The following ARAP3 variants were observed in gnomAD, a reference collection of about 807,000 sequenced individuals.
ARAP3 encodes the protein ArfGAP with RhoGAP domain, ankyrin repeat and PH domain 3.
In ARAP3, 82 loss-of-function variants were observed where a neutral mutation model predicts 169.2. The observed-to-expected ratio is 0.48, with a 90% CI of 0.41 to 0.58. The LOEUF is 0.58. ARAP3 is among the 20% of genes least tolerant of loss of function. The probability of loss-of-function intolerance (pLI) is 0.00; values close to 1 mark genes in which losing one functional copy is unlikely to be tolerated. For synonymous variants in ARAP3, 791 were observed against 800.3 expected, an observed-to-expected ratio of 0.99 and a Z score of 0.20; for missense variants, 1,764 against 2,018.0, an observed-to-expected ratio of 0.87 and a Z score of 2.41.
chr5:141,672,444 A>G lies in ARAP3; in HGVS notation c.1385+108T>C. On this transcript the variant is annotated intron_variant, in intron 9 of 32. Coordinates refer to ENST00000239440, the MANE Select transcript of ARAP3 (RefSeq NM_022481.6). The surrounding 1 kb of genome is among the most constrained non-coding windows in gnomAD (Gnocchi z 4.9). Reference sequence around the variant, plus strand: ...TCTTGACCTAGCTCACTGGACTACCATCTGTGCATACCCTCTGACGTCCTA... The same window carrying G: ...TCTTGACCTAGCTCACTGGACTACCGTCTGTGCATACCCTCTGACGTCCTA... The G allele has an allele frequency of 1.4e-6, 2 of 1,474,650 alleles. No individual in the cohort carries two copies. Among genetic ancestry groups the G allele is most frequent in the Non-Finnish European group, 1.9e-6 (2 of 1,080,438 alleles). The allele number at this position is 1,474,650 out of a possible 1,614,324, so 91.3% of individuals were successfully genotyped here.
intron 25 of ARAP3, among the ~76,000 whole-genome samples, chr5:141,657,991 T>G (rs1445013024): frequency 6.6e-6 from 1 of 152,088 alleles, no homozygotes; most frequent in Non-Finnish European, 1.5e-5. Context: ...GGTGTCAGGT[T>G]ATTAATGGCA....
In ARAP3 at chr5:141,655,736, AC is replaced by A; in HGVS notation, c.3994del (p.Val1332SerfsTer54). 1 of 1,614,124 alleles carries A rather than the reference AC, an allele frequency of 6.2e-7. No homozygotes were observed. The highest frequency in any genetic ancestry group is 8.5e-7 in the Non-Finnish European group (1 of 1,180,004). On this transcript the variant is annotated frameshift_variant, in exon 31 of 33. Transcript: ENST00000239440. LOFTEE classifies it high-confidence loss of function. ...GTCAGAGGAGGAATGGCGTCGTAAG[AC>A]CACTGGCTGCTGGTCATCGTGCTGG... ...KAQHDDQQPVVLRRHSSSDLA... is the reference protein window; with the variant it reads ...KAQHDDQQPVXLRRHSSSDLA...
intron 25 of ARAP3, 113 bp from the exon 26 acceptor site, chr5:141,656,959 T>G (rs1318201355): frequency 7.1e-7 from 1 of 1,400,230 alleles, no homozygotes; most frequent in East Asian, 2.5e-5. Flanking sequence ...ACATTTATTT[T>G]TCACTGTCTC....
intron 1 of ARAP3, 88 bp downstream of exon 1, chr5:141,682,085 A>T (rs2154599385): frequency 6.7e-6 from 1 of 149,650 alleles, no homozygotes; most frequent in Admixed American, 6.6e-5. Context: ...GCCGGCGCCG[A>T]GGGGGCCTGG....
At chr5:141,655,276 T>TGAG in intron 32 of ARAP3, 86 bp downstream of exon 32, 1 of 1,354,508 alleles carries the variant, frequency 7.4e-7, no homozygotes, top group Non-Finnish European at 1.0e-6. Flanking sequence ...ATGGCCTACA[T>TGAG]GAGGAAAACA....
chr5:141,679,508 G>A lies in ARAP3; in HGVS notation c.698+37C>T, dbSNP rs1233069189. On this transcript the variant is annotated intron_variant, in intron 4 of 32. Coordinates refer to ENST00000239440, the MANE Select transcript of ARAP3 (RefSeq NM_022481.6). ...ATACATGGCCGCCACCGACTCACCT[G>A]CTCCTCCCTCCCACCACTTCCCTAT... 4.4e-6 allele frequency: 7 copies of A among 1,594,866 alleles called. No homozygotes were observed. The East Asian group carries it at 1.1e-4, about 26-fold the overall frequency.
chr5:141,677,857 T>C (rs2099912411), intron 4 of ARAP3, among the ~76,000 whole-genome samples: 1 of 152,140 alleles, frequency 6.6e-6, no homozygotes, highest in Non-Finnish European at 1.5e-5. Flanking sequence ...TGATCTTGAC[T>C]TGCTGCAACC....
At position 141,669,901 on chromosome 5, in the gene ARAP3, TG is replaced by T; in HGVS notation, c.2249+20del. The T allele has an allele frequency of 6.2e-7, 1 of 1,607,562 alleles. No individual in the cohort carries two copies. Among genetic ancestry groups the T allele is most frequent in the African/African-American group, 1.3e-5 (1 of 74,710 alleles). On this transcript the variant is annotated intron_variant, in intron 15 of 32. Transcript: ENST00000239440. ...GGGAAGAGAAAAGGGGGAAGCTCAG[TG>T]GTCACAGAAGGGCTATTACCTGTCA... is the stretch of plus-strand genomic sequence containing the variant.
chr5:141,669,083 C>T (rs1389017274), intron 16 of ARAP3, among the ~76,000 whole-genome samples: 2 of 152,060 alleles, frequency 1.3e-5, no homozygotes, highest in African/African-American at 2.4e-5. Flanking sequence ...TGTGTGTGGG[C>T]CTCACATGTC....
intron 28 of ARAP3, 27 bp downstream of exon 28, chr5:141,656,167 A>G (rs780627779): frequency 1.2e-6 from 2 of 1,614,056 alleles, no homozygotes; most frequent in Admixed American, 3.3e-5. Flanking sequence ...AAGGCCCTGG[A>G]AGTGCGGGCT....
In ARAP3 at chr5:141,670,607, T is replaced by C. The variant is rs770691244; in HGVS notation, c.2012A>G (p.Asn671Ser). The change falls in exon 14 of 33, where the codon AAT becomes AGT. Residue 671 changes from asparagine to serine, a missense_variant. This residue lies in a region of ARAP3 where 1,112 missense variants were observed against 1,285.7 expected (regional missense o/e 0.86). Coordinates refer to ENST00000239440, the MANE Select transcript of ARAP3 (RefSeq NM_022481.6). ...GTAAGTAGCACGCACCACCACCTCA[T>C]TGTACACACCAGGGGAGGGGTCTGC... ...LPSDPSPGVY[N>S]EVVVRATYSG... The C allele has an allele frequency of 1.3e-5, 21 of 1,613,822 alleles. No homozygotes were observed. The highest frequency in any genetic ancestry group is 1.6e-4 in the Middle Eastern group (1 of 6,082).
intron 18 of ARAP3, 113 bp from the exon 19 acceptor site, chr5:141,665,198 G>A: frequency 1.3e-6 from 2 of 1,564,022 alleles, no homozygotes; most frequent in East Asian, 4.5e-5. Flanking sequence ...AAATCATCCT[G>A]GAGCAAGGGA....
chr5:141,680,767 A>G, intron 1 of ARAP3: 1 of 511,742 alleles, frequency 2.0e-6, no homozygotes, highest in Non-Finnish European at 3.3e-6. Context: ...TCAGTGCTAG[A>G]GTTGGCCCCT....
At position 141,665,899 on chromosome 5, in the gene ARAP3, C is replaced by T. The variant is rs188716757; in HGVS notation, c.2572+525G>A. On this transcript the variant is annotated intron_variant, in intron 17 of 32. Transcript: ENST00000239440. ...TACAAAAATTAGCTGGGCGTGGTGG[C>T]GGACACCTGTAATCCCAGCTACTTG... is the stretch of plus-strand genomic sequence containing the variant. 7.4e-3 allele frequency among the ~76,000 whole-genome samples: 1,123 copies of T among 151,448 alleles called. 22 individuals carry two copies. Among genetic ancestry groups the T allele is most frequent in the African/African-American group, 0.026 (1,062 of 41,262 alleles).
chr5:141,660,218 C>A (rs549300430), intron 21 of ARAP3, among the ~76,000 whole-genome samples: 1 of 152,094 alleles, frequency 6.6e-6, no homozygotes, highest in African/African-American at 2.4e-5. Flanking sequence ...ATGGGCCGGG[C>A]GCGGTGGCTC....
In ARAP3 at chr5:141,654,347, G is replaced by A. The variant is rs1337028166; in HGVS notation, c.4238C>T (p.Ala1413Val). The change falls in exon 33 of 33, where the codon GCC becomes GTC. Residue 1413 changes from alanine (A) to valine (V), a missense_variant. Transcript: ENST00000239440. ...AGTGTCCTGGATCAACTCAGGGAAG[G>A]CCCCTACTTCCTCATACACTGGCTC... is the stretch of plus-strand genomic sequence containing the variant. Reference protein sequence around the residue: ...YEEPVYEEVGAFPELIQDTST... With the variant: ...YEEPVYEEVGVFPELIQDTST... 1.2e-6 allele frequency: 2 copies of A among 1,614,058 alleles called. No individual in the cohort carries two copies. The highest frequency in any genetic ancestry group is 1.3e-5 in the African/African-American group (1 of 75,014).
Position 141,671,845 on chromosome 5 carries a change from C to T in ARAP3, c.1671+50G>A, listed in dbSNP as rs749389295. On this transcript the variant is annotated intron_variant, in intron 11 of 32. Coordinates refer to ENST00000239440, the MANE Select transcript of ARAP3 (RefSeq NM_022481.6). This position sits in a 1 kb window ranked among gnomAD's most constrained non-coding sequence, Gnocchi z 4.9. ...CCCCAGGCTGGCCCAAGGCCTGCTT[C>T]TGGACGCTCCCTTCTACGCCTCCCA... The T allele has an allele frequency of 1.1e-5, 17 of 1,613,476 alleles. No individual in the cohort carries two copies. Among genetic ancestry groups the T allele is most frequent in the Non-Finnish European group, 1.3e-5 (15 of 1,179,636 alleles).
chr5:141,669,354 T>G (rs1012182968), intron 16 of ARAP3, among the ~76,000 whole-genome samples: 3 of 152,194 alleles, frequency 2.0e-5, no homozygotes, highest in African/African-American at 7.2e-5. Flanking sequence ...AGCCAGCTTC[T>G]TCGTGGGAGG....
In ARAP3 at chr5:141,653,778, A is replaced by G. The variant is rs1023421090; in HGVS notation, c.*172T>C. The G allele has an allele frequency of 5.9e-6, 5 of 852,328 alleles. No homozygotes were observed. Among genetic ancestry groups the G allele is most frequent in the Middle Eastern group, 7.5e-4 (2 of 2,662 alleles). The allele number at this position is 852,328 out of a possible 1,614,324, so 52.8% of individuals were successfully genotyped here. ...AATGGGCTGGGCCCAGAGAGGGGCC[A>G]TGACCTGTCCTGGGACACGCAGCCA... On this transcript the variant is annotated 3_prime_UTR_variant, in exon 33 of 33. Transcript: ENST00000239440.
Sources: allele counts gnomAD v4.1 joint callset (sites outside exome capture counted in the v4.1 genomes callset), GRCh38; gene constraint gnomAD v4.1.1; regional missense constraint gnomAD v4.1.1; non-coding constraint Gnocchi (gnomAD v3.1); transcripts MANE v1.5; gene names NCBI Gene and HGNC (gene_info 2026-07-23, HGNC 2026-07-21).